Variants in OLFM3 observed in about 807,000 individuals in gnomAD.
OLFM3 encodes the protein olfactomedin 3.
A neutral mutation model predicts 48.6 loss-of-function variants in OLFM3; 20 were observed. The observed-to-expected ratio is 0.41, with a 90% CI of 0.29 to 0.60. OLFM3 has a LOEUF of 0.60. Among genes scored for constraint, OLFM3 ranks in the 20% least tolerant of loss-of-function variants. OLFM3 has a pLI of 0.28. For synonymous variants in OLFM3, 222 were observed against 198.1 expected, an observed-to-expected ratio of 1.12 and a Z score of -1.01; for missense variants, 437 against 544.3, an observed-to-expected ratio of 0.80 and a Z score of 1.96.
intron 1 of OLFM3, among the ~76,000 whole-genome samples, chr1:101,890,085 A>G (rs1244385752): frequency 2.0e-5 from 3 of 152,036 alleles, no homozygotes; most frequent in Admixed American, 6.6e-5. Flanking sequence ...TCTTTCAAAG[A>G]CCTTTTAATG....
intron 1 of OLFM3, among the ~76,000 whole-genome samples, chr1:101,945,303 T>C (rs1191255073): frequency 6.6e-6 from 1 of 152,192 alleles, no homozygotes; most frequent in African/African-American, 2.4e-5. Flanking sequence ...GATACGTTCA[T>C]ACAATGATGT....
At chr1:101,879,378 C>T (rs1657428979) in intron 1 of OLFM3, among the ~76,000 whole-genome samples, 1 of 151,818 alleles carries the variant, frequency 6.6e-6, no homozygotes, top group Non-Finnish European at 1.5e-5. Context: ...TTATTCCTTA[C>T]AATAATAATT....
At chr1:101,972,980 G>A (rs978676066) in intron 1 of OLFM3, among the ~76,000 whole-genome samples, 3 of 152,150 alleles carry the variant, frequency 2.0e-5, no homozygotes, top group African/African-American at 4.8e-5. Context: ...GCCTTGAGGC[G>A]TTCATGAGAG....
intron 1 of OLFM3, among the ~76,000 whole-genome samples, chr1:101,888,055 C>T (rs984182524): frequency 6.6e-6 from 1 of 151,938 alleles, no homozygotes; most frequent in African/African-American, 2.4e-5. Context: ...GTAATTATGG[C>T]ATGATTCATT....
chr1:101,996,598 A>AT, intron 1 of OLFM3, 150 bp downstream of exon 1: 1 of 745,364 alleles, frequency 1.3e-6, no homozygotes, highest in Non-Finnish European at 2.2e-6. Context: ...TCACCTTGTT[A>AT]TGTTCCAAGC....
At chr1:101,824,162 A>G (rs1654736236) in intron 4 of OLFM3, among the ~76,000 whole-genome samples, 1 of 151,976 alleles carries the variant, frequency 6.6e-6, no homozygotes, top group Non-Finnish European at 1.5e-5. Context: ...GATCCACAAA[A>G]GAATTTATTT....
chr1:101,979,612 A>G (rs903241514), intron 1 of OLFM3, among the ~76,000 whole-genome samples: 1 of 152,138 alleles, frequency 6.6e-6, no homozygotes, highest in East Asian at 1.9e-4. Flanking sequence ...GAATGATTTC[A>G]GAGAATGTAT....
At chr1:101,819,516 C>T (rs766482448) in intron 4 of OLFM3, among the ~76,000 whole-genome samples, 14 of 151,858 alleles carry the variant, frequency 9.2e-5, no homozygotes, top group East Asian at 3.9e-4. Flanking sequence ...ACTCTGAATT[C>T]GGCTGGTGGA....
chr1:101,943,416 C>A (rs1052494775), intron 1 of OLFM3, among the ~76,000 whole-genome samples: 5 of 152,174 alleles, frequency 3.3e-5, no homozygotes, highest in Admixed American at 6.5e-5. Flanking sequence ...ATCTTACATA[C>A]CTCCTATCAC....
intron 1 of OLFM3, among the ~76,000 whole-genome samples, chr1:101,992,070 A>G (rs1661426937): frequency 6.6e-6 from 1 of 152,136 alleles, no homozygotes; most frequent in Non-Finnish European, 1.5e-5. Context: ...CATGAAAATC[A>G]CAGCTTCCCC....
intron 4 of OLFM3, among the ~76,000 whole-genome samples, chr1:101,818,716 T>C (rs1292680249): frequency 6.6e-6 from 1 of 152,150 alleles, no homozygotes; most frequent in Non-Finnish European, 1.5e-5. Flanking sequence ...AGAGAACAGT[T>C]GGCAATGACA....
At chr1:101,983,241 C>T (rs1248557377) in intron 1 of OLFM3, among the ~76,000 whole-genome samples, 1 of 152,210 alleles carries the variant, frequency 6.6e-6, no homozygotes, top group Non-Finnish European at 1.5e-5. Flanking sequence ...GCTTGTACAT[C>T]TCTTTGACTT....
At chr1:101,828,401 T>C (rs1654990999) in intron 3 of OLFM3, among the ~76,000 whole-genome samples, 1 of 152,194 alleles carries the variant, frequency 6.6e-6, no homozygotes, top group South Asian at 2.1e-4. Context: ...ATTGTTATTA[T>C]CATTACTGTT....
At chr1:101,805,828 T>C (rs1653743269) in intron 5 of OLFM3, among the ~76,000 whole-genome samples, 1 of 151,770 alleles carries the variant, frequency 6.6e-6, no homozygotes, top group African/African-American at 2.4e-5. Flanking sequence ...CTTTCAAGCA[T>C]AAAACATGAC....
intron 1 of OLFM3, among the ~76,000 whole-genome samples, chr1:101,852,032 CCTA>C (rs1398105868): frequency 6.6e-6 from 1 of 152,058 alleles, no homozygotes; most frequent in Non-Finnish European, 1.5e-5. Flanking sequence ...ATCTCTCTCA[CCTA>C]CTCAAAGACA....
At chr1:101,991,850 A>C (rs958257133) in intron 1 of OLFM3, among the ~76,000 whole-genome samples, 2 of 151,728 alleles carry the variant, frequency 1.3e-5, no homozygotes, top group African/African-American at 4.8e-5. Context: ...GAAAATTGAA[A>C]GCTTTAAAGG....
At chr1:101,963,462 A>C (rs1017864624) in intron 1 of OLFM3, among the ~76,000 whole-genome samples, 1 of 152,128 alleles carries the variant, frequency 6.6e-6, no homozygotes, top group South Asian at 2.1e-4. Flanking sequence ...AGCCCTCTTC[A>C]CTAAGATTTG....
intron 1 of OLFM3, among the ~76,000 whole-genome samples, chr1:101,970,758 G>A (rs961103952): frequency 6.6e-6 from 1 of 152,156 alleles, no homozygotes; most frequent in African/African-American, 2.4e-5. Context: ...CCCCTGACCC[G>A]ATTTCCTGCT....
intron 1 of OLFM3, among the ~76,000 whole-genome samples, chr1:101,912,207 T>C (rs772584114): frequency 1.3e-5 from 2 of 152,196 alleles, no homozygotes; most frequent in Non-Finnish European, 2.9e-5. Context: ...CCTTCTCTAC[T>C]GCTATCTTTT....
Sources: gnomAD v4.1 joint callset for allele counts (sites outside exome capture counted in the v4.1 genomes callset) on GRCh38, gnomAD v4.1.1 for gene constraint, MANE v1.5 for transcripts, NCBI Gene and HGNC (gene_info 2026-07-23, HGNC 2026-07-21) for gene names.